TIPRL: variants seen among roughly 807,000 people sequenced by gnomAD.
TIPRL encodes the protein TIP41-like protein.
A neutral mutation model predicts 32.3 loss-of-function variants in TIPRL; 10 were observed. The ratio of observed to expected loss-of-function variants is 0.31; its 90% confidence interval spans 0.19 to 0.52. The LOEUF is 0.52. Among genes scored for constraint, TIPRL ranks in the 20% least tolerant of loss-of-function variants. The pLI, the probability that TIPRL is intolerant of heterozygous loss-of-function variation, is 0.96. For missense variants in TIPRL, 250 were observed against 328.1 expected, an observed-to-expected ratio of 0.76 and a Z score of 1.84; for synonymous variants, 100 against 114.0, an observed-to-expected ratio of 0.88 and a Z score of 0.78.
intron 1 of TIPRL, among the ~76,000 whole-genome samples, chr1:168,180,789 T>C (rs1277002249): frequency 1.3e-5 from 2 of 149,542 alleles, no homozygotes; most frequent in Non-Finnish European, 3.0e-5. Flanking sequence ...GTTTTTCCTC[T>C]CTATATCTTT....
At position 168,196,407 on chromosome 1, in the gene TIPRL, T is replaced by G. The variant is rs1700153304; in HGVS notation, c.517-140T>G. 1.6e-5 allele frequency: 8 copies of G among 502,576 alleles called. No individual in the cohort carries two copies. The South Asian group carries it at 3.7e-4, about 23-fold the overall frequency. 31.1% of individuals were successfully genotyped at this position (502,576 alleles called of 1,614,324 possible). On this transcript the variant is annotated intron_variant, in intron 4 of 6. Transcript: ENST00000367833. Reference sequence around the variant, plus strand: ...TGGAGCTAGGACAAAGAGCTTCTAGTTGAGAGATTTTTATAAACTGTGAAT... The same window carrying G: ...TGGAGCTAGGACAAAGAGCTTCTAGGTGAGAGATTTTTATAAACTGTGAAT...
chr1:168,200,186 C>G lies in TIPRL; in HGVS notation c.*140C>G. The stretch of plus-strand genomic sequence containing the variant: ...CCTTAAAGGAAAAAAAAATAAAGAT[C>G]GTTACAGGCAGGTTTCACTCAACTG... On this transcript the variant is annotated 3_prime_UTR_variant, in exon 7 of 7. Coordinates refer to ENST00000367833, the MANE Select transcript of TIPRL (RefSeq NM_152902.5). 1.1e-6 allele frequency: 1 copy of G among 892,622 alleles called. No individual in the cohort carries two copies. Among genetic ancestry groups the G allele is most frequent in the Admixed American group, 3.2e-5 (1 of 31,520 alleles). The allele number at this position is 892,622 out of a possible 1,614,324, so 55.3% of individuals were successfully genotyped here.
intron 4 of TIPRL, among the ~76,000 whole-genome samples, chr1:168,195,572 T>TTTAATTAATTAATTAATTAA (rs1456950808): frequency 2.0e-5 from 3 of 152,206 alleles, no homozygotes; most frequent in Non-Finnish European, 4.4e-5. Context: ...GCATATTCAT[T>TTTAATTAATTAATTAATTAA]TTAATTAATT....
chr1:168,184,184 A>G, intron 2 of TIPRL, 103 bp downstream of exon 2: 1 of 1,043,010 alleles, frequency 9.6e-7, no homozygotes, highest in East Asian at 2.6e-5. Context: ...GTGTTGTTAG[A>G]ATGAAGGGCT....
intron 3 of TIPRL, among the ~76,000 whole-genome samples, chr1:168,188,508 T>A (rs1475900149): frequency 6.6e-6 from 1 of 152,212 alleles, no homozygotes; most frequent in East Asian, 1.9e-4. Flanking sequence ...GAAATTTGAA[T>A]TTCATGTAAT....
chr1:168,192,319 C>G (rs1700108919), intron 4 of TIPRL: 6 of 998,776 alleles, frequency 6.0e-6, no homozygotes, highest in East Asian at 8.1e-5. Flanking sequence ...GCACTCCAGC[C>G]CTCCAGCCTG....
chr1:168,180,993 G>GT (rs1389999530), intron 1 of TIPRL, among the ~76,000 whole-genome samples: 2 of 150,330 alleles, frequency 1.3e-5, no homozygotes, highest in Non-Finnish European at 3.0e-5. Context: ...TTTTTATTTT[G>GT]TTTTTTTGAG....
At chr1:168,181,886 C>A (rs1218121056) in intron 1 of TIPRL, among the ~76,000 whole-genome samples, 3 of 151,302 alleles carry the variant, frequency 2.0e-5, no homozygotes, top group African/African-American at 4.9e-5. Context: ...CATGGTGTAA[C>A]CCCGCCTCTA....
chr1:168,183,257 A>G (rs1002355807), intron 1 of TIPRL, among the ~76,000 whole-genome samples: 1 of 152,140 alleles, frequency 6.6e-6, no homozygotes, highest in East Asian at 1.9e-4. Context: ...ATTATAAGTA[A>G]AGCCATTATA....
In TIPRL at chr1:168,179,111, G is replaced by A; in HGVS notation, c.34G>A (p.Asp12Asn). Residue 12 changes from aspartate to asparagine, a missense_variant, in exon 1 of 7, where the codon GAT becomes AAT. Asp to Asn is a conservative substitution (Grantham distance 23, BLOSUM62 1). Transcript: ENST00000367833. Reference protein sequence around the residue: ...MIHGFQSSHRDFCFGPWKLTA... With the variant: ...MIHGFQSSHRNFCFGPWKLTA... Reference sequence around the variant, plus strand: ...CCACGGCTTCCAGAGCAGCCACCGGGATTTCTGCTTCGGGCCCTGGAAGCT... The same window carrying A: ...CCACGGCTTCCAGAGCAGCCACCGGAATTTCTGCTTCGGGCCCTGGAAGCT... 6.2e-7 allele frequency: 1 copy of A among 1,614,096 alleles called. No individual in the cohort carries two copies. Among genetic ancestry groups the A allele is most frequent in the South Asian group, 1.1e-5 (1 of 91,086 alleles).
chr1:168,193,718 A>G (rs1700124015), intron 4 of TIPRL, among the ~76,000 whole-genome samples: 2 of 152,226 alleles, frequency 1.3e-5, no homozygotes, highest in Non-Finnish European at 2.9e-5. Context: ...CTTAAACTGA[A>G]GAGCATTTTT....
chr1:168,194,695 T>G (rs1167434402), intron 4 of TIPRL, among the ~76,000 whole-genome samples: 1 of 152,222 alleles, frequency 6.6e-6, no homozygotes, highest in Non-Finnish European at 1.5e-5. Context: ...TTAAGTCTGT[T>G]GCTGATAACC....
In TIPRL at chr1:168,200,892, T is replaced by G. The variant is rs1274914525; in HGVS notation, c.*846T>G. On this transcript the variant is annotated 3_prime_UTR_variant, in exon 7 of 7. Transcript: ENST00000367833. ...TATTAGGGGTTGTTTTTCGCAAATA[T>G]TACATCAATCCTTAAAGCAACAAGA... The G allele has an allele frequency of 6.6e-6, 1 of 152,184 alleles. No individual in the cohort carries two copies. The highest frequency in any genetic ancestry group is 2.4e-5 in the African/African-American group (1 of 41,454). The allele number at this position is 152,184 out of a possible 1,614,324, so 9.4% of individuals were successfully genotyped here.
chr1:168,184,029 A>G lies in TIPRL; in HGVS notation c.232A>G (p.Asn78Asp). ...NATDALRCVN[N>D]YQGMLKVACA... is the part of the protein sequence containing the mutation. ...TACAGATGCGTTAAGATGTGTAAAC[A>G]ACTACCAAGGAATGCTTAAAGTGGC... The change falls in exon 2 of 7, where the codon AAC (asparagine) becomes GAC (aspartate). Residue 78 changes from asparagine (N) to aspartate (D), a missense_variant. Physicochemically the swap from Asn to Asp is conservative, Grantham distance 23. Coordinates refer to ENST00000367833, the MANE Select transcript of TIPRL (RefSeq NM_152902.5). The G allele has an allele frequency of 1.2e-6, 2 of 1,614,162 alleles. No individual in the cohort carries two copies. The highest frequency in any genetic ancestry group is 1.7e-6 in the Non-Finnish European group (2 of 1,179,978).
Position 168,200,309 on chromosome 1 carries a change from C to A in TIPRL, c.*263C>A. 1 of 356,232 alleles carries A rather than the reference C, an allele frequency of 2.8e-6. No homozygotes were observed. The highest frequency in any genetic ancestry group is 5.2e-6 in the Non-Finnish European group (1 of 192,112). The allele number at this position is 356,232 out of a possible 1,614,324, so 22.1% of individuals were successfully genotyped here. ...AAATTATCACAAAGTGGGACCTCAG[C>A]AGTAGTGATGTGTGTGTCTCATGAG... On this transcript the variant is annotated 3_prime_UTR_variant, in exon 7 of 7. Coordinates refer to ENST00000367833, the MANE Select transcript of TIPRL (RefSeq NM_152902.5).
At chr1:168,182,527 G>C (rs1466949107) in intron 1 of TIPRL, among the ~76,000 whole-genome samples, 5 of 152,126 alleles carry the variant, frequency 3.3e-5, no homozygotes, top group Non-Finnish European at 7.3e-5. Flanking sequence ...TAGGAAGGCT[G>C]AAACAGGAGG....
At chr1:168,181,572 T>TTAAA (rs1404574480) in intron 1 of TIPRL, among the ~76,000 whole-genome samples, 3 of 151,078 alleles carry the variant, frequency 2.0e-5, no homozygotes, top group Non-Finnish European at 4.4e-5. Context: ...TTGCGGTTTT[T>TTAAA]AATTGCAAAA....
intron 4 of TIPRL, among the ~76,000 whole-genome samples, chr1:168,191,857 G>C (rs1572434601): frequency 4.9e-5 from 3 of 61,602 alleles, no homozygotes; most frequent in Admixed American, 2.2e-4. Flanking sequence ...GGGCGACAGA[G>C]CAAAAAAAAA....
intron 3 of TIPRL, 115 bp downstream of exon 3, chr1:168,184,993 T>C (rs1174252574): frequency 3.0e-5 from 19 of 642,052 alleles, no homozygotes; most frequent in Non-Finnish European, 5.3e-6. Flanking sequence ...TTGTTTTCTG[T>C]TGTGGCATTC....
Sources: gnomAD v4.1 joint callset for allele counts (sites outside exome capture counted in the v4.1 genomes callset) on GRCh38, gnomAD v4.1.1 for gene constraint, MANE v1.5 for transcripts, NCBI Gene and HGNC (gene_info 2026-07-23, HGNC 2026-07-21) for gene names.